The following KCNMB2 variants were observed in gnomAD, a reference collection of about 807,000 sequenced individuals.
KCNMB2 encodes the protein potassium calcium-activated channel subfamily M regulatory beta subunit 2.
KCNMB2 carries 9 observed loss-of-function variants against 24.5 expected under a neutral mutation model. The observed-to-expected ratio is 0.37, with a 90% CI of 0.22 to 0.64. KCNMB2 has a LOEUF of 0.64. Ranked by LOEUF, KCNMB2 falls within the 30% of genes least tolerant of loss-of-function variation. KCNMB2 has a pLI of 0.63. For synonymous variants in KCNMB2, 109 were observed against 104.4 expected, an observed-to-expected ratio of 1.04 and a Z score of -0.27; for missense variants, 226 against 284.3, an observed-to-expected ratio of 0.79 and a Z score of 1.47.
chr3:178,588,177 G>T (rs1243025889), intron 1 of KCNMB2, among the ~76,000 whole-genome samples: 1 of 151,984 alleles, frequency 6.6e-6, no homozygotes, highest in African/African-American at 2.4e-5. Flanking sequence ...ACCTTGTCAA[G>T]GACTTCATTA....
At chr3:178,727,322 T>C (rs1722998368) in intron 1 of KCNMB2, among the ~76,000 whole-genome samples, 2 of 152,088 alleles carry the variant, frequency 1.3e-5, no homozygotes, top group African/African-American at 4.8e-5. Context: ...TCAAATAAAT[T>C]GTCACTCCCA....
chr3:178,640,291 T>C (rs573110150), intron 1 of KCNMB2, among the ~76,000 whole-genome samples: 5 of 152,250 alleles, frequency 3.3e-5, no homozygotes, highest in Admixed American at 6.5e-5. Flanking sequence ...ACAGGAAGCA[T>C]GGCTGGGAGG....
At chr3:178,612,455 T>C (rs1443498779) in intron 1 of KCNMB2, among the ~76,000 whole-genome samples, 1 of 152,230 alleles carries the variant, frequency 6.6e-6, no homozygotes, top group African/African-American at 2.4e-5. Context: ...AATTGTTATA[T>C]CTTCTTGCTG....
At chr3:178,756,795 G>T (rs758803953) in intron 1 of KCNMB2, among the ~76,000 whole-genome samples, 3 of 151,986 alleles carry the variant, frequency 2.0e-5, no homozygotes, top group Non-Finnish European at 2.9e-5. Flanking sequence ...ATTGTGGATT[G>T]CTTAGCATTG....
chr3:178,729,010 T>C (rs1723055389), intron 1 of KCNMB2, among the ~76,000 whole-genome samples: 2 of 152,140 alleles, frequency 1.3e-5, no homozygotes, highest in South Asian at 4.1e-4. Flanking sequence ...CTCTGGCCTA[T>C]CACATAATTT....
At chr3:178,635,911 A>G (rs554126649) in intron 1 of KCNMB2, among the ~76,000 whole-genome samples, 2 of 152,338 alleles carry the variant, frequency 1.3e-5, no homozygotes, top group Admixed American at 6.5e-5. Context: ...CACAAACAAA[A>G]TGGTTATTAA....
At chr3:178,800,585 T>C (rs1032484985) in intron 1 of KCNMB2, among the ~76,000 whole-genome samples, 4 of 152,134 alleles carry the variant, frequency 2.6e-5, no homozygotes, top group African/African-American at 4.8e-5. Context: ...GGTGGGAATG[T>C]AAATTAGTAC....
intron 1 of KCNMB2, among the ~76,000 whole-genome samples, chr3:178,547,348 T>C (rs773524293): frequency 1.3e-5 from 2 of 152,218 alleles, no homozygotes; most frequent in Non-Finnish European, 2.9e-5. Flanking sequence ...AGAAAATCAC[T>C]TCATAGAGTT....
chr3:178,704,326 G>T (rs1379983114), intron 1 of KCNMB2, among the ~76,000 whole-genome samples: 4 of 151,888 alleles, frequency 2.6e-5, no homozygotes, highest in Non-Finnish European at 5.9e-5. Flanking sequence ...AAATATTCTG[G>T]GTATCACCCC....
chr3:178,775,875 C>G (rs997889187), intron 1 of KCNMB2, among the ~76,000 whole-genome samples: 1 of 152,138 alleles, frequency 6.6e-6, no homozygotes, highest in Non-Finnish European at 1.5e-5. Context: ...TTACCTGCCT[C>G]CAGACTGGTT....
At chr3:178,704,143 A>G (rs1442661797) in intron 1 of KCNMB2, among the ~76,000 whole-genome samples, 1 of 152,062 alleles carries the variant, frequency 6.6e-6, no homozygotes, top group Non-Finnish European at 1.5e-5. Flanking sequence ...TCCAGGGAAA[A>G]CAACCAGGTT....
At chr3:178,542,633 T>C (rs1346785561) in intron 1 of KCNMB2, among the ~76,000 whole-genome samples, 1 of 152,072 alleles carries the variant, frequency 6.6e-6, no homozygotes, top group Non-Finnish European at 1.5e-5. Flanking sequence ...AGGCTACTGG[T>C]GGTTAGGAGA....
chr3:178,543,454 T>C (rs562564685), intron 1 of KCNMB2, among the ~76,000 whole-genome samples: 1 of 152,310 alleles, frequency 6.6e-6, no homozygotes, highest in South Asian at 2.1e-4. Context: ...ACAAATGACT[T>C]CAGTGCACAA....
intron 1 of KCNMB2, among the ~76,000 whole-genome samples, chr3:178,656,455 G>A (rs1720346964): frequency 6.6e-6 from 1 of 152,118 alleles, no homozygotes; most frequent in Non-Finnish European, 1.5e-5. Flanking sequence ...AGGTAACAGG[G>A]TGTTCTTGCA....
At chr3:178,750,489 C>T (rs576813771) in intron 1 of KCNMB2, among the ~76,000 whole-genome samples, 1 of 152,308 alleles carries the variant, frequency 6.6e-6, no homozygotes, top group South Asian at 2.1e-4. Context: ...AGACATTCTA[C>T]TCTGAAGGCA....
In KCNMB2 at chr3:178,811,735, A is replaced by G. The variant is rs367758490; in HGVS notation, c.56+4270A>G. Among the ~76,000 whole-genome samples, 52 of 152,308 alleles carry G rather than the reference A, an allele frequency of 3.4e-4. 1 individual carries two copies. The South Asian group carries it at 0.011, about 31-fold the overall frequency. On this transcript the variant is annotated intron_variant, in intron 2 of 4. Coordinates refer to ENST00000452583, the MANE Select transcript of KCNMB2 (RefSeq NM_181361.3). ...CTTAAGATTTATACCTAACATGGGA[A>G]TGGTTGGTTCAAAAGTACACGCAGC...
chr3:178,708,200 C>T (rs1722340180), intron 1 of KCNMB2, among the ~76,000 whole-genome samples: 1 of 152,122 alleles, frequency 6.6e-6, no homozygotes, highest in Non-Finnish European at 1.5e-5. Context: ...CTGCCCCCTT[C>T]TAGGTAATCA....
At chr3:178,735,801 T>C (rs1723295291) in intron 1 of KCNMB2, among the ~76,000 whole-genome samples, 1 of 152,166 alleles carries the variant, frequency 6.6e-6, no homozygotes, top group African/African-American at 2.4e-5. Flanking sequence ...TAAGGATTAA[T>C]GGAAAAGGGG....
intron 1 of KCNMB2, among the ~76,000 whole-genome samples, chr3:178,715,232 T>A (rs1317637907): frequency 6.6e-6 from 1 of 152,188 alleles, no homozygotes; most frequent in Non-Finnish European, 1.5e-5. Flanking sequence ...TAGAGCTCTA[T>A]TCTAGGGGGA....
Sources: gnomAD v4.1 joint callset for allele counts (sites outside exome capture counted in the v4.1 genomes callset) on GRCh38, gnomAD v4.1.1 for gene constraint, MANE v1.5 for transcripts, NCBI Gene and HGNC (gene_info 2026-07-23, HGNC 2026-07-21) for gene names.